TAB2: variants seen among roughly 807,000 people sequenced by gnomAD.
TAB2 encodes the protein TGF-beta activated kinase 1 (MAP3K7) binding protein 2, also known as TGF-beta-activated kinase 1 and MAP3K7-binding protein 2.
Under a neutral mutation model 65.0 loss-of-function variants are expected in TAB2, and 3 were observed. The ratio of observed to expected loss-of-function variants is 0.05; its 90% CI spans 0.02 to 0.12. The LOEUF is 0.12. Ranked by LOEUF, TAB2 falls within the 10% of genes least tolerant of loss-of-function variation. The pLI, the probability that TAB2 is intolerant of heterozygous loss-of-function variation, is 1.00. For missense variants in TAB2, 623 were observed against 840.3 expected, an observed-to-expected ratio of 0.74 and a Z score of 3.20; for synonymous variants, 298 against 285.1, an observed-to-expected ratio of 1.05 and a Z score of -0.46.
chr6:149,297,191 C>T (rs1778891344), intron 1 of TAB2, among the ~76,000 whole-genome samples: 1 of 152,086 alleles, frequency 6.6e-6, no homozygotes, highest in African/African-American at 2.4e-5. Flanking sequence ...AATACTTTAT[C>T]ACATATCTTC....
chr6:149,318,357 C>G (rs1351244081), intron 1 of TAB2, among the ~76,000 whole-genome samples: 4 of 152,024 alleles, frequency 2.6e-5, no homozygotes, highest in African/African-American at 7.2e-5. Flanking sequence ...GGGAGGGCCC[C>G]TCCCTGCGTC....
At chr6:149,280,856 C>A (rs1778559861) in intron 1 of TAB2, among the ~76,000 whole-genome samples, 1 of 150,028 alleles carries the variant, frequency 6.7e-6, no homozygotes, top group African/African-American at 2.5e-5. Context: ...TGCTTGAGCT[C>A]AGGAGACCAA....
intron 1 of TAB2, among the ~76,000 whole-genome samples, chr6:149,240,114 G>A (rs1461522545): frequency 6.6e-6 from 1 of 152,178 alleles, no homozygotes; most frequent in African/African-American, 2.4e-5. Context: ...GCCCCGTTGT[G>A]CTATCTTGAT....
At chr6:149,266,618 C>T (rs1778269899) in intron 1 of TAB2, among the ~76,000 whole-genome samples, 1 of 152,190 alleles carries the variant, frequency 6.6e-6, no homozygotes, top group East Asian at 1.9e-4. Flanking sequence ...GTTTGTTTTG[C>T]CCAGACCTAT....
chr6:149,233,008 C>G (rs1006475083), intron 1 of TAB2, among the ~76,000 whole-genome samples: 1 of 152,176 alleles, frequency 6.6e-6, no homozygotes, highest in African/African-American at 2.4e-5. Flanking sequence ...ACTCCCATGC[C>G]AGGGCATAGT....
intron 1 of TAB2, chr6:149,321,201 C>T (rs951558777): frequency 1.3e-5 from 2 of 151,968 alleles, no homozygotes; most frequent in African/African-American, 4.8e-5. Flanking sequence ...TATTTAAAAC[C>T]CTCTGTATTA....
At position 149,345,816 on chromosome 6, in the gene TAB2, G is replaced by T. The variant is rs564783660; in HGVS notation, c.-89-24093G>T. Among the ~76,000 whole-genome samples, 14 of 152,050 alleles carry T rather than the reference G, an allele frequency of 9.2e-5. No individual in the cohort carries two copies. In the South Asian group the frequency reaches 2.9e-3, roughly 32 times the overall value. On this transcript the variant is annotated intron_variant, in intron 1 of 6. Transcript: ENST00000637181. The stretch of plus-strand genomic sequence containing the variant: ...TTTTACACAAAAGGTGTTATACATG[G>T]AATCTGCATCTTGATTTTTTTTCAG...
At chr6:149,229,136 C>A (rs1021241328) in intron 1 of TAB2, among the ~76,000 whole-genome samples, 5 of 152,142 alleles carry the variant, frequency 3.3e-5, no homozygotes, top group African/African-American at 9.7e-5. Context: ...GTAATGTAAT[C>A]CACGCAGAAA....
intron 3 of TAB2, among the ~76,000 whole-genome samples, chr6:149,383,882 T>C (rs1318457562): frequency 6.6e-6 from 1 of 152,018 alleles, no homozygotes; most frequent in African/African-American, 2.4e-5. Flanking sequence ...CGCACCTAGC[T>C]CAGTGACACA....
chr6:149,317,411 AGCCGCAGCC>A (rs1311467195), upstream of TAB2: 163 of 77,940 alleles, frequency 2.1e-3, 1 homozygote, highest in Admixed American at 0.01. The surrounding 1 kb of genome is among the most constrained non-coding windows in gnomAD (Gnocchi z 4.7). Flanking sequence ...CCCGGGCCGC[AGCCGCAGCC>A]GCCGCCGCCG....
intron 1 of TAB2, among the ~76,000 whole-genome samples, chr6:149,337,211 A>C (rs1779960251): frequency 6.8e-6 from 1 of 147,924 alleles, no homozygotes; most frequent in African/African-American, 2.4e-5. Context: ...GGTTTTTAAA[A>C]ACACTTGATA....
chr6:149,355,418 C>G (rs1401228866), intron 1 of TAB2, among the ~76,000 whole-genome samples: 1 of 151,990 alleles, frequency 6.6e-6, no homozygotes, highest in Non-Finnish European at 1.5e-5. Context: ...GTAATCCCAG[C>G]ACTTTGGGAG....
chr6:149,313,049 T>C (rs1361588074), upstream of TAB2, among the ~76,000 whole-genome samples: 1 of 152,218 alleles, frequency 6.6e-6, no homozygotes, highest in Non-Finnish European at 1.5e-5. Context: ...CCGTGGCTTC[T>C]TATTTCCTGC....
At chr6:149,263,420 C>G (rs1778193675) in intron 1 of TAB2, among the ~76,000 whole-genome samples, 1 of 152,146 alleles carries the variant, frequency 6.6e-6, no homozygotes, top group African/African-American at 2.4e-5. Context: ...TTTCATTTGG[C>G]AGCCTGCTCT....
intron 1 of TAB2, among the ~76,000 whole-genome samples, chr6:149,326,181 A>G (rs150304009): frequency 3.3e-5 from 5 of 152,184 alleles, no homozygotes; most frequent in African/African-American, 1.2e-4. Context: ...ACTAATTATT[A>G]CAGCAAAATA....
intron 1 of TAB2, among the ~76,000 whole-genome samples, chr6:149,355,868 A>G (rs1780638340): frequency 6.6e-6 from 1 of 152,100 alleles, no homozygotes; most frequent in Non-Finnish European, 1.5e-5. Context: ...TGCTGCTGCT[A>G]CCCAAAGATT....
chr6:149,230,206 T>G (rs1443829890), intron 1 of TAB2: 2 of 152,230 alleles, frequency 1.3e-5, no homozygotes, highest in African/African-American at 2.4e-5. Context: ...ACTTCTTCAG[T>G]TTCATCCTGC....
At chr6:149,398,488 G>A (rs1679847510) in intron 5 of TAB2, among the ~76,000 whole-genome samples, 1 of 152,140 alleles carries the variant, frequency 6.6e-6, no homozygotes. Flanking sequence ...AACCAAAAGA[G>A]AAGTCTTTAA....
At chr6:149,344,978 A>G (rs1018774619) in intron 1 of TAB2, among the ~76,000 whole-genome samples, 28 of 152,314 alleles carry the variant, frequency 1.8e-4, no homozygotes, top group African/African-American at 6.3e-4. Flanking sequence ...ACCTTTGTAT[A>G]TGATAGTACA....
Sources: allele counts gnomAD v4.1 joint callset (sites outside exome capture counted in the v4.1 genomes callset), GRCh38; gene constraint gnomAD v4.1.1; non-coding constraint Gnocchi (gnomAD v3.1); transcripts MANE v1.5; gene names NCBI Gene and HGNC (gene_info 2026-07-23, HGNC 2026-07-21).